The following EXD3 variants were observed in gnomAD, a reference collection of about 807,000 sequenced individuals.
EXD3 encodes the protein exonuclease 3'-5' domain containing 3, also known as exonuclease mut-7 homolog.
A neutral mutation model predicts 98.0 loss-of-function variants in EXD3; 92 were observed. That is an observed-to-expected ratio of 0.94 (90% CI 0.79 to 1.12). The LOEUF is 1.12. Among genes scored for constraint, EXD3 ranks in the 50% most tolerant of loss-of-function variants. The pLI is 0.00. For missense variants in EXD3, 1,222 were observed against 1,191.6 expected, an observed-to-expected ratio of 1.03 and a Z score of -0.38; for synonymous variants, 569 against 526.0, an observed-to-expected ratio of 1.08 and a Z score of -1.12.
chr9:137,330,602 GACTACAC>G lies in EXD3; in HGVS notation c.1999-6466_1999-6460del, dbSNP rs1564482356. Among the ~76,000 whole-genome samples the G allele has an allele frequency of 1.7e-4, 24 of 140,206 alleles. 2 individuals carry two copies. Among genetic ancestry groups the G allele is most frequent in the African/African-American group, 4.2e-4 (16 of 38,022 alleles). 92.0% of individuals were successfully genotyped at this position (140,206 alleles called of 152,430 possible). A position where few individuals can be genotyped will look rare whatever the true frequency, so the allele number is the denominator to read the frequency against. ...CACAGGACTACACAGGACTACACAG[GACTACAC>G]AGGACTACACAGGAACTACACAGGA... On this transcript the variant is annotated intron_variant, in intron 17 of 21. Transcript: ENST00000340951.
At chr9:137,320,987 G>A (rs2119089261) in intron 19 of EXD3, among the ~76,000 whole-genome samples, 1 of 152,308 alleles carries the variant, frequency 6.6e-6, no homozygotes, top group African/African-American at 2.4e-5. Flanking sequence ...AGAGGCCCCT[G>A]GAGCACACTT....
In EXD3 at chr9:137,371,263, A is replaced by G. The variant is rs1485468548; in HGVS notation, c.462+1642T>C. Among the ~76,000 whole-genome samples the G allele has an allele frequency of 1.3e-5, 2 of 152,180 alleles. No individual in the cohort carries two copies. The highest frequency in any genetic ancestry group is 2.4e-5 in the African/African-American group (1 of 41,452). Reference sequence around the variant, plus strand: ...CGGCCGCCATTCAGCGTCGCGCCACATGAGGGGGACCCTCCATCCTGCATT... The same window carrying G: ...CGGCCGCCATTCAGCGTCGCGCCACGTGAGGGGGACCCTCCATCCTGCATT... On this transcript the variant is annotated intron_variant, in intron 5 of 21. Transcript: ENST00000340951. This position sits in a 1 kb window ranked among gnomAD's most constrained non-coding sequence, Gnocchi z 8.0.
At chr9:137,389,691 C>T (rs371672266) in intron 2 of EXD3, among the ~76,000 whole-genome samples, 3 of 152,096 alleles carry the variant, frequency 2.0e-5, no homozygotes, top group East Asian at 1.9e-4. Context: ...GGAGCTGGGA[C>T]GCTGGGAGCC....
At chr9:137,375,287 G>A (rs1159979489) in intron 3 of EXD3, among the ~76,000 whole-genome samples, 7 of 151,994 alleles carry the variant, frequency 4.6e-5, no homozygotes, top group Non-Finnish European at 8.8e-5. Flanking sequence ...GATTACAGGC[G>A]TGAGCCACCG....
intron 19 of EXD3, among the ~76,000 whole-genome samples, chr9:137,310,726 C>T (rs1425075031): frequency 6.6e-6 from 1 of 152,216 alleles, no homozygotes; most frequent in Non-Finnish European, 1.5e-5. Context: ...CAGGAGGGGG[C>T]TGGGTGCCCA....
At chr9:137,332,598 C>G (rs1198272986) in intron 17 of EXD3, among the ~76,000 whole-genome samples, 1 of 151,812 alleles carries the variant, frequency 6.6e-6, no homozygotes, top group Non-Finnish European at 1.5e-5. Context: ...AATCCCAGCA[C>G]TTTGGGAGGC....
intron 2 of EXD3, 27 bp from the exon 3 acceptor site, chr9:137,383,404 G>A (rs1329681671): frequency 1.3e-6 from 2 of 1,517,348 alleles, no homozygotes; most frequent in South Asian, 2.4e-5. Context: ...ACAGCCGTGG[G>A]AGGGAGAGGC....
intron 7 of EXD3, among the ~76,000 whole-genome samples, chr9:137,362,324 TC>T: frequency 6.6e-6 from 1 of 152,148 alleles, no homozygotes; most frequent in East Asian, 1.9e-4. Flanking sequence ...TCAAGTGCAG[TC>T]CATCCCAAAA....
chr9:137,420,341 T>C (rs550416039), intron 1 of EXD3, among the ~76,000 whole-genome samples: 73 of 152,372 alleles, frequency 4.8e-4, no homozygotes, highest in Middle Eastern at 3.4e-3. Flanking sequence ...GAGTGACATA[T>C]ACTTTTGTGA....
At chr9:137,418,475 G>C (rs192886178) in intron 1 of EXD3, among the ~76,000 whole-genome samples, 1 of 152,188 alleles carries the variant, frequency 6.6e-6, no homozygotes, top group African/African-American at 2.4e-5. Flanking sequence ...GCATAGGAAA[G>C]CTAAATATAT....
chr9:137,337,061 G>A (rs1050659829), intron 17 of EXD3, among the ~76,000 whole-genome samples: 6 of 152,118 alleles, frequency 3.9e-5, no homozygotes, highest in African/African-American at 1.4e-4. Flanking sequence ...ATGAAAAAGT[G>A]CTTTACGAGT....
At position 137,408,546 on chromosome 9, in the gene EXD3, C is replaced by CAAAAAAA. The variant is rs570243090; in HGVS notation, c.-47-13149_-47-13143dup. The stretch of plus-strand genomic sequence containing the variant: ...TGGGCGATAGAGTGAGACTCTGCCT[C>CAAAAAAA]AAAAAAAAAAAAAAAAAAAGAGGGC... On this transcript the variant is annotated intron_variant, in intron 1 of 21. Transcript: ENST00000340951. Among the ~76,000 whole-genome samples, 210 of 44,404 alleles carry CAAAAAAA rather than the reference C, an allele frequency of 4.7e-3. 8 individuals are homozygous for CAAAAAAA. Among genetic ancestry groups the CAAAAAAA allele is most frequent in the Middle Eastern group, 0.012 (1 of 82 alleles). The allele number at this position is 44,404 out of a possible 152,430, so 29.1% of individuals were successfully genotyped here. A position where few individuals can be genotyped will look rare whatever the true frequency, so the allele number is the denominator to read the frequency against.
intron 1 of EXD3, among the ~76,000 whole-genome samples, chr9:137,419,467 C>T (rs1015428703): frequency 3.3e-5 from 5 of 151,388 alleles, no homozygotes; most frequent in Middle Eastern, 6.9e-3. Context: ...GTCAGGAGTT[C>T]GAAACCAGCC....
At chr9:137,336,183 T>A (rs1833344316) in intron 17 of EXD3, among the ~76,000 whole-genome samples, 1 of 152,074 alleles carries the variant, frequency 6.6e-6, no homozygotes. Context: ...GACGACATAT[T>A]GGGTACAATA....
intron 1 of EXD3, among the ~76,000 whole-genome samples, chr9:137,398,824 C>T (rs1363537957): frequency 6.8e-6 from 1 of 147,754 alleles, no homozygotes; most frequent in East Asian, 2.0e-4. Flanking sequence ...CCCGCGTCCC[C>T]GTGACACACG....
At chr9:137,369,790 C>A (rs1231023991) in intron 5 of EXD3, among the ~76,000 whole-genome samples, 1 of 152,242 alleles carries the variant, frequency 6.6e-6, no homozygotes, top group African/African-American at 2.4e-5. Context: ...CACGCTGCGA[C>A]CCCGTCAGAG....
chr9:137,350,394 G>A (rs1293332180), intron 14 of EXD3, among the ~76,000 whole-genome samples: 1 of 119,472 alleles, frequency 8.4e-6, no homozygotes. Flanking sequence ...TGGGGATCAC[G>A]GGGAGGGGTT....
intron 1 of EXD3, among the ~76,000 whole-genome samples, chr9:137,404,009 G>A (rs999014682): frequency 9.9e-5 from 15 of 151,656 alleles, no homozygotes; most frequent in Non-Finnish European, 2.1e-4. Flanking sequence ...TCACTGTCCC[G>A]AGGCTGCAGC....
In EXD3 at chr9:137,349,169, GTC is replaced by G. The variant is rs1315229517; in HGVS notation, c.1769_1770del (p.Arg590ThrfsTer29). Reference sequence around the variant, plus strand: ...AGGCCGGGTGGCTTCCGTGCCCCTGGTCTCTCTCTGTGCCTGGGCCTCCGGCT... The same window carrying G: ...AGGCCGGGTGGCTTCCGTGCCCCTGGTCTCTCTGTGCCTGGGCCTCCGGCT... ...AGSRRPRHRE[R>X]PGARKPPGLQ... On this transcript the variant is annotated frameshift_variant, in exon 16 of 22. Transcript: ENST00000340951. LOFTEE classifies it high-confidence loss of function. The surrounding 1 kb of genome is among the most constrained non-coding windows in gnomAD (Gnocchi z 7.4). 4.4e-6 allele frequency: 7 copies of G among 1,594,034 alleles called. No homozygotes were observed. In the South Asian group the frequency reaches 5.6e-5, roughly 13 times the overall value.
Sources: gnomAD v4.1 joint callset for allele counts (sites outside exome capture counted in the v4.1 genomes callset) on GRCh38, gnomAD v4.1.1 for gene constraint, Gnocchi (gnomAD v3.1) non-coding constraint, MANE v1.5 for transcripts, NCBI Gene and HGNC (gene_info 2026-07-23, HGNC 2026-07-21) for gene names.